The following PHKB variants were observed in gnomAD, a reference collection of about 807,000 sequenced individuals.
PHKB encodes the protein phosphorylase b kinase regulatory subunit beta.
A neutral mutation model predicts 152.1 loss-of-function variants in PHKB; 122 were observed. The ratio of observed to expected loss-of-function variants is 0.80; its 90% CI spans 0.69 to 0.93. The LOEUF is 0.93. Among genes scored for constraint, PHKB ranks in the 40% least tolerant of loss-of-function variants. The pLI is 0.00. For missense variants in PHKB, 1,304 were observed against 1,328.4 expected, an observed-to-expected ratio of 0.98 and a Z score of 0.29; for synonymous variants, 436 against 464.9, an observed-to-expected ratio of 0.94 and a Z score of 0.80.
At chr16:47,619,822 G>A (rs1972585816) in intron 14 of PHKB, among the ~76,000 whole-genome samples, 1 of 152,174 alleles carries the variant, frequency 6.6e-6, no homozygotes, top group African/African-American at 2.4e-5. Flanking sequence ...GCAAGCAGCT[G>A]GCCATATGCA....
At chr16:47,677,600 C>T (rs1973756507) in intron 26 of PHKB, among the ~76,000 whole-genome samples, 1 of 151,936 alleles carries the variant, frequency 6.6e-6, no homozygotes, top group Admixed American at 6.6e-5. Context: ...GGTTACTAAT[C>T]CCAGCATAAG....
rs147381816 is a variant in PHKB at position 47,691,159 on chromosome 16, T to C, written c.2765+1984T>C. ...TCAGGAAACATCAGACCAACCCAAA[T>C]TGAGGTACATCTTACAAAATAACTG... On this transcript the variant is annotated intron_variant, in intron 27 of 30. Transcript: ENST00000323584. Among the ~76,000 whole-genome samples the C allele has an allele frequency of 1.7e-3, 256 of 152,182 alleles. 2 individuals are homozygous for C. Among genetic ancestry groups the C allele is most frequent in the African/African-American group, 5.7e-3 (235 of 41,522 alleles).
intron 26 of PHKB, among the ~76,000 whole-genome samples, chr16:47,680,680 T>C (rs1412173064): frequency 6.6e-6 from 1 of 152,238 alleles, no homozygotes; most frequent in Non-Finnish European, 1.5e-5. Context: ...TTAGTCTTGC[T>C]AGCGGTCTAT....
At chr16:47,487,684 G>A (rs1440071857) in intron 1 of PHKB, among the ~76,000 whole-genome samples, 1 of 152,106 alleles carries the variant, frequency 6.6e-6, no homozygotes, top group East Asian at 1.9e-4. Context: ...TTATAAACAA[G>A]CATATGTGGT....
At chr16:47,501,560 C>G (rs1460748608) in intron 3 of PHKB, among the ~76,000 whole-genome samples, 3 of 152,106 alleles carry the variant, frequency 2.0e-5, no homozygotes, top group African/African-American at 7.2e-5. Context: ...TCTAGAGATA[C>G]TTCTGAAGTG....
intron 13 of PHKB, among the ~76,000 whole-genome samples, chr16:47,606,986 T>C (rs1368525525): frequency 6.6e-6 from 1 of 152,228 alleles, no homozygotes; most frequent in Non-Finnish European, 1.5e-5. Flanking sequence ...CAATTGAGGA[T>C]GTTGCCTTCA....
At chr16:47,515,472 C>G (rs1285197695) in intron 5 of PHKB, 49 bp from the exon 6 acceptor site, 2 of 846,096 alleles carry the variant, frequency 2.4e-6, no homozygotes, top group African/African-American at 1.7e-5. Flanking sequence ...AATTTTATAA[C>G]TTGTTTTGGT....
intron 1 of PHKB, among the ~76,000 whole-genome samples, chr16:47,486,457 T>C (rs913963594): frequency 2.2e-4 from 33 of 152,328 alleles, no homozygotes; most frequent in African/African-American, 7.7e-4. Flanking sequence ...TTGTATCTTG[T>C]ATAGATGAGT....
rs1973715734 is a variant in PHKB, at chr16:47,675,537, T to TCC, written c.2630+6121_2630+6122insCC. 3 of 151,792 alleles carry TCC rather than the reference T, an allele frequency of 2.0e-5. No homozygotes were observed. The East Asian group carries it at 5.8e-4, about 29-fold the overall frequency. The allele number at this position is 151,792 out of a possible 1,614,324, so 9.4% of individuals were successfully genotyped here. A position where few individuals can be genotyped will look rare whatever the true frequency, so the allele number is the denominator to read the frequency against. ...CACACACACTCTCTCTCTCTCTCTC[T>TCC]CTCTCTCTCTCTGTCTCCATCTCAC... On this transcript the variant is annotated intron_variant, in intron 26 of 30. Transcript: ENST00000323584.
chr16:47,564,692 T>G (rs1971534929), intron 7 of PHKB, among the ~76,000 whole-genome samples: 1 of 152,068 alleles, frequency 6.6e-6, no homozygotes, highest in Non-Finnish European at 1.5e-5. Flanking sequence ...TCCAGAAGAG[T>G]TTTTCCAGGT....
rs58917857 is a variant in PHKB, at chr16:47,682,515, G to A, written c.2631-6526G>A. On this transcript the variant is annotated intron_variant, in intron 26 of 30. Coordinates refer to ENST00000323584, the MANE Select transcript of PHKB (RefSeq NM_000293.3). ...CTTCTCGCTTCATTTCATTCATTTC[G>A]TCTTCCATCACTGATACCCTTTCTT... Among the ~76,000 whole-genome samples the A allele has an allele frequency of 8.4e-3, 1,275 of 151,768 alleles. 18 individuals carry two copies. The highest frequency in any genetic ancestry group is 0.029 in the African/African-American group (1,186 of 41,330).
At chr16:47,500,759 A>G (rs1225081470) in intron 3 of PHKB, among the ~76,000 whole-genome samples, 1 of 152,204 alleles carries the variant, frequency 6.6e-6, no homozygotes, top group East Asian at 1.9e-4. Context: ...ATTTCATTAT[A>G]TGTAGAAAGC....
At chr16:47,594,491 C>T (rs959529844) in intron 12 of PHKB, among the ~76,000 whole-genome samples, 3 of 152,088 alleles carry the variant, frequency 2.0e-5, no homozygotes, top group Non-Finnish European at 4.4e-5. Context: ...TAGAAAGTGA[C>T]TAGTTTTTAT....
At chr16:47,557,651 C>T (rs1046537119) in intron 7 of PHKB, among the ~76,000 whole-genome samples, 4 of 152,138 alleles carry the variant, frequency 2.6e-5, no homozygotes, top group African/African-American at 7.2e-5. Context: ...CATCACTGGC[C>T]ATCAGAGAAA....
At chr16:47,625,028 A>C (rs1239787799) in intron 14 of PHKB, among the ~76,000 whole-genome samples, 1 of 152,102 alleles carries the variant, frequency 6.6e-6, no homozygotes, top group East Asian at 1.9e-4. Context: ...TGCCTGCCTC[A>C]CCTCTTCTCT....
In PHKB at chr16:47,541,804, A is replaced by G. The variant is rs552328464; in HGVS notation, c.595-5629A>G. Among the ~76,000 whole-genome samples the G allele has an allele frequency of 1.4e-4, 21 of 152,230 alleles. No homozygotes were observed. In the East Asian group the frequency reaches 3.9e-3, roughly 28 times the overall value. ...TGGCTGCATAAATGTCTTCTTTTGA[A>G]AAGTGTCTGTTCATATCCTTTGCCC... is the stretch of plus-strand genomic sequence containing the variant. On this transcript the variant is annotated intron_variant, in intron 6 of 30. Coordinates refer to ENST00000323584, the MANE Select transcript of PHKB (RefSeq NM_000293.3).
At chr16:47,594,085 T>G in intron 11 of PHKB, 52 bp from the exon 12 acceptor site, 1 of 925,598 alleles carries the variant, frequency 1.1e-6, no homozygotes, top group Non-Finnish European at 1.8e-6. Context: ...GTAAAATTTT[T>G]GAGATCCTTA....
rs542389747 is a variant in PHKB, at chr16:47,660,297, C to T, written c.1972-209C>T. Among the ~76,000 whole-genome samples the T allele has an allele frequency of 3.3e-5, 5 of 152,146 alleles. No homozygotes were observed. The South Asian group carries it at 8.3e-4, about 25-fold the overall frequency. ...TTTATAATGACTCATAAACTTGTAA[C>T]GATGTGTATATTCTATTTTAGGGTT... On this transcript the variant is annotated intron_variant, in intron 20 of 30. Transcript: ENST00000323584.
intron 6 of PHKB, among the ~76,000 whole-genome samples, chr16:47,530,154 C>A (rs930830080): frequency 7.4e-6 from 1 of 134,496 alleles, no homozygotes; most frequent in Non-Finnish European, 1.6e-5. Context: ...TTTTTTTTTC[C>A]AGACAGAGTC....
Sources: gnomAD v4.1 joint callset for allele counts (sites outside exome capture counted in the v4.1 genomes callset) on GRCh38, gnomAD v4.1.1 for gene constraint, MANE v1.5 for transcripts, NCBI Gene and HGNC (gene_info 2026-07-23, HGNC 2026-07-21) for gene names.